HAAO: variants seen among roughly 807,000 people sequenced by gnomAD.
HAAO encodes 3-hydroxyanthranilate oxygenase.
A neutral mutation model predicts 46.2 loss-of-function variants in HAAO; 49 were observed. The ratio of observed to expected loss-of-function variants is 1.06; its 90% CI spans 0.84 to 1.34. The LOEUF is 1.34. Among genes scored for constraint, HAAO ranks in the 40% most tolerant of loss-of-function variants. HAAO has a pLI of 0.00. For missense variants in HAAO, 408 were observed against 364.5 expected, an observed-to-expected ratio of 1.12 and a Z score of -0.97; for synonymous variants, 157 against 145.2, an observed-to-expected ratio of 1.08 and a Z score of -0.58.
At chr2:42,791,535 A>C (rs1243398018) in intron 1 of HAAO, among the ~76,000 whole-genome samples, 1 of 152,142 alleles carries the variant, frequency 6.6e-6, no homozygotes, top group Non-Finnish European at 1.5e-5. Flanking sequence ...CTGGAGTCGA[A>C]CTGCTCCGTG....
At chr2:42,780,570 G>T (rs149183713) in intron 4 of HAAO, among the ~76,000 whole-genome samples, 1 of 152,104 alleles carries the variant, frequency 6.6e-6, no homozygotes, top group Non-Finnish European at 1.5e-5. Flanking sequence ...GAATAGAGAA[G>T]AAAAACTTTC....
At chr2:42,770,250 A>G (rs1671007004) in intron 5 of HAAO, 64 bp from the exon 6 acceptor site, 1 of 1,357,474 alleles carries the variant, frequency 7.4e-7, no homozygotes, top group East Asian at 2.5e-5. Context: ...CCAGCGACAC[A>G]CACATACACC....
chr2:42,789,420 A>G (rs574805793), intron 1 of HAAO, among the ~76,000 whole-genome samples: 3 of 152,248 alleles, frequency 2.0e-5, no homozygotes, highest in Admixed American at 6.5e-5. Flanking sequence ...AAATACAAAA[A>G]TTAGCCAGGC....
At chr2:42,781,356 A>G (rs1346734162) in intron 4 of HAAO, among the ~76,000 whole-genome samples, 2 of 152,124 alleles carry the variant, frequency 1.3e-5, no homozygotes, top group Non-Finnish European at 2.9e-5. Flanking sequence ...CTGGCCTCAT[A>G]TCTTCCCTGT....
chr2:42,787,739 C>A (rs987915840), intron 2 of HAAO, among the ~76,000 whole-genome samples: 1 of 152,176 alleles, frequency 6.6e-6, no homozygotes, highest in East Asian at 1.9e-4. Context: ...ATCCTGAACC[C>A]CCAGAATGAG....
intron 4 of HAAO, among the ~76,000 whole-genome samples, chr2:42,782,424 T>C (rs1672068794): frequency 6.6e-6 from 1 of 152,332 alleles, no homozygotes; most frequent in East Asian, 1.9e-4. Flanking sequence ...TTTCTAAAAC[T>C]GAACTTCCCT....
chr2:42,774,146 C>T (rs960203538), intron 4 of HAAO, among the ~76,000 whole-genome samples: 8 of 152,196 alleles, frequency 5.3e-5, no homozygotes, highest in Non-Finnish European at 8.8e-5. Flanking sequence ...ATGTATAAAA[C>T]CAAGCTGTGC....
intron 1 of HAAO, among the ~76,000 whole-genome samples, chr2:42,791,720 A>G (rs889867762): frequency 2.0e-5 from 3 of 152,144 alleles, no homozygotes; most frequent in African/African-American, 7.2e-5. Flanking sequence ...TGTCCTGTGG[A>G]CACAGCAAAA....
intron 1 of HAAO, chr2:42,788,991 C>T (rs1672593774): frequency 3.8e-6 from 1 of 266,200 alleles, no homozygotes; most frequent in Non-Finnish European, 7.5e-6. Flanking sequence ...GCAAAACGAC[C>T]TTGACCTGCC....
intron 4 of HAAO, among the ~76,000 whole-genome samples, chr2:42,777,985 A>T (rs1227067166): frequency 6.9e-6 from 1 of 145,516 alleles, no homozygotes; most frequent in South Asian, 2.2e-4. Context: ...ACATAATTTC[A>T]TATGAGAAAG....
rs140475049 is a variant in HAAO at position 42,783,379 on chromosome 2, C to A, written c.285G>T (p.Arg95Ser). 1.9e-6 allele frequency: 3 copies of A among 1,613,518 alleles called. No individual in the cohort carries two copies. The highest frequency in any genetic ancestry group is 1.7e-5 in the Admixed American group (1 of 59,970). The change falls in exon 4 of 10, where the codon AGG becomes AGT. Residue 95 changes from arginine to serine, a missense_variant. Coordinates refer to ENST00000294973, the MANE Select transcript of HAAO (RefSeq NM_012205.3). ...LPARVPHSPQ[R>S]FANTVGLVVE... ...CCACCAGCCCCACGGTGTTGGCAAA[C>A]CTCTGTGGTGAGTGGGGCACCCTGG... is the stretch of plus-strand genomic sequence containing the variant.
intron 4 of HAAO, among the ~76,000 whole-genome samples, chr2:42,777,317 AAAAAAAG>A (rs1360992289): frequency 5.3e-5 from 8 of 150,760 alleles, no homozygotes; most frequent in Admixed American, 1.3e-4. Flanking sequence ...AAAAAAAAAA[AAAAAAAG>A]AAGAAAGAAA....
chr2:42,791,573 C>T lies in HAAO; in HGVS notation c.80+884G>A, dbSNP rs370983729. The stretch of plus-strand genomic sequence containing the variant: ...TTGAGTCTGGAGCCTATCGCACAGG[C>T]GCTCCGTGACACTAGAAAAGTTACT... On this transcript the variant is annotated intron_variant, in intron 1 of 9. Coordinates refer to ENST00000294973, the MANE Select transcript of HAAO (RefSeq NM_012205.3). 8.5e-5 allele frequency among the ~76,000 whole-genome samples: 13 copies of T among 152,186 alleles called. No homozygotes were observed. The East Asian group carries it at 9.7e-4, about 11-fold the overall frequency.
chr2:42,770,115 G>A (rs1233921641), intron 6 of HAAO, 28 bp downstream of exon 6: 3 of 1,596,422 alleles, frequency 1.9e-6, no homozygotes, highest in East Asian at 2.3e-5. Flanking sequence ...AGGGAGGGAA[G>A]GAGAAGGGCA....
At chr2:42,772,964 A>G (rs932786751) in intron 4 of HAAO, among the ~76,000 whole-genome samples, 1 of 151,752 alleles carries the variant, frequency 6.6e-6, no homozygotes, top group Non-Finnish European at 1.5e-5. Flanking sequence ...ACCCAACCAA[A>G]CACTGTTGAG....
intron 4 of HAAO, among the ~76,000 whole-genome samples, chr2:42,779,868 G>A (rs1309335774): frequency 6.6e-6 from 1 of 152,178 alleles, no homozygotes; most frequent in Admixed American, 6.5e-5. Flanking sequence ...AAATGACATA[G>A]TTTGGCTTAC....
At position 42,783,384 on chromosome 2, in the gene HAAO, G is replaced by C. The variant is rs902143587; in HGVS notation, c.280C>G (p.Gln94Glu). Residue 94 changes from glutamine (Q) to glutamate (E), a missense_variant, in exon 4 of 10, where the codon CAG becomes GAG. Physicochemically the swap from Gln to Glu is conservative, Grantham distance 29. Coordinates refer to ENST00000294973, the MANE Select transcript of HAAO (RefSeq NM_012205.3). ...AGCCCCACGGTGTTGGCAAACCTCTGTGGTGAGTGGGGCACCCTGGCAGGC... is the reference window on the plus strand; with the variant it reads ...AGCCCCACGGTGTTGGCAAACCTCTCTGGTGAGTGGGGCACCCTGGCAGGC... ...LLPARVPHSP[Q>E]RFANTVGLVV... 6.2e-7 allele frequency: 1 copy of C among 1,613,256 alleles called. No individual in the cohort carries two copies. The highest frequency in any genetic ancestry group is 1.7e-5 in the Admixed American group (1 of 59,958).
At chr2:42,786,070 TC>T (rs1672364811) in intron 2 of HAAO, among the ~76,000 whole-genome samples, 1 of 127,676 alleles carries the variant, frequency 7.8e-6, no homozygotes, top group Non-Finnish European at 1.7e-5. Flanking sequence ...TGTGTGTGTG[TC>T]TAGGGACCTT....
chr2:42,770,377 A>G, intron 5 of HAAO, 116 bp downstream of exon 5: 1 of 927,206 alleles, frequency 1.1e-6, no homozygotes, highest in Non-Finnish European at 1.7e-6. Context: ...CCGGCCTGGC[A>G]GTGGGCTCTC....
Sources: gnomAD v4.1 joint callset for allele counts (sites outside exome capture counted in the v4.1 genomes callset) on GRCh38, gnomAD v4.1.1 for gene constraint, MANE v1.5 for transcripts, NCBI Gene and HGNC (gene_info 2026-07-23, HGNC 2026-07-21) for gene names.